The following LARP4 variants were observed in gnomAD, a reference collection of about 807,000 sequenced individuals.
The protein encoded by LARP4 is La ribonucleoprotein 4.
A neutral mutation model predicts 92.9 loss-of-function variants in LARP4; 29 were observed. The ratio of observed to expected loss-of-function variants is 0.31; its 90% CI spans 0.23 to 0.43. The LOEUF (loss-of-function observed/expected upper bound fraction) is 0.43, where lower values mean the gene tolerates loss of function less well. Among genes scored for constraint, LARP4 ranks in the 20% least tolerant of loss-of-function variants. The probability of loss-of-function intolerance (pLI) is 1.00; values close to 1 mark genes in which losing one functional copy is unlikely to be tolerated. For missense variants in LARP4, 732 were observed against 860.0 expected (o/e 0.85, Z 1.86); for synonymous variants, 279 against 284.1 (o/e 0.98, Z 0.18).
At chr12:50,472,679 TTTTAC>T in intron 13 of LARP4, among the ~76,000 whole-genome samples, 1 of 151,990 alleles carries the variant, frequency 6.6e-6, no homozygotes, top group Non-Finnish European at 1.5e-5. Flanking sequence ...TAGCTAAATA[TTTTAC>T]TTTATTTTGT....
intron 14 of LARP4, 43 bp from the exon 15 acceptor site, chr12:50,473,956 T>A (rs1277383651): frequency 7.1e-6 from 11 of 1,546,948 alleles, no homozygotes; most frequent in Non-Finnish European, 8.8e-6. Flanking sequence ...CAACTGTTCC[T>A]ATATGCTATT....
intron 1 of LARP4, among the ~76,000 whole-genome samples, chr12:50,413,005 C>T (rs555048245): frequency 3.2e-4 from 49 of 152,032 alleles, no homozygotes; most frequent in Middle Eastern, 6.8e-3. Flanking sequence ...GGGCGGATCA[C>T]GAGGTCAGGA....
intron 8 of LARP4, among the ~76,000 whole-genome samples, chr12:50,448,233 GTTTGT>G (rs1952550081): frequency 6.6e-6 from 1 of 152,056 alleles, no homozygotes; most frequent in South Asian, 2.1e-4. Flanking sequence ...TCTTATTTTT[GTTTGT>G]TTTATCTTTT....
chr12:50,475,892 A>C lies in LARP4; in HGVS notation c.*28A>C, dbSNP rs1341547966. Reference sequence around the variant, plus strand: ...AACAACAAAACTATTCAAAAACTTCACTCTCTTCCCATTAAACTTGAACTG... The same window carrying C: ...AACAACAAAACTATTCAAAAACTTCCCTCTCTTCCCATTAAACTTGAACTG... On this transcript the variant is annotated 3_prime_UTR_variant, in exon 16 of 16. Transcript: ENST00000398473. The C allele has an allele frequency of 6.3e-7, 1 of 1,580,462 alleles. No individual in the cohort carries two copies. The highest frequency in any genetic ancestry group is 1.1e-5 in the South Asian group (1 of 89,176).
chr12:50,417,433 A>G (rs963428413), intron 1 of LARP4, among the ~76,000 whole-genome samples: 1 of 152,028 alleles, frequency 6.6e-6, no homozygotes, highest in African/African-American at 2.4e-5. Flanking sequence ...TAATACCTTG[A>G]TACTTCTCCT....
At chr12:50,431,364 A>G (rs541315844) in intron 4 of LARP4, among the ~76,000 whole-genome samples, 1 of 152,224 alleles carries the variant, frequency 6.6e-6, no homozygotes, top group East Asian at 1.9e-4. Flanking sequence ...TTCTATGAAC[A>G]TACTCAATTT....
chr12:50,438,929 A>C (rs922867694), intron 6 of LARP4, among the ~76,000 whole-genome samples: 1 of 152,178 alleles, frequency 6.6e-6, no homozygotes, highest in Non-Finnish European at 1.5e-5. Context: ...GCTATTTAGA[A>C]CAGAGTGTTA....
At chr12:50,427,991 C>CACT in intron 2 of LARP4, 82 bp downstream of exon 2, 2 of 413,458 alleles carry the variant, frequency 4.8e-6, no homozygotes, top group Non-Finnish European at 7.1e-6. Flanking sequence ...TGAGACACAT[C>CACT]TCTTTTTTTT....
intron 13 of LARP4, among the ~76,000 whole-genome samples, chr12:50,467,594 C>T (rs1361654235): frequency 2.0e-5 from 3 of 152,154 alleles, no homozygotes; most frequent in Non-Finnish European, 4.4e-5. Flanking sequence ...TGAGCCACCA[C>T]GCCCAGCCTT....
chr12:50,473,806 T>TG (rs1443099947), intron 14 of LARP4, among the ~76,000 whole-genome samples, 193 bp from the exon 15 acceptor site: 6 of 5,222 alleles, frequency 1.1e-3, no homozygotes, highest in African/African-American at 2.2e-3. Flanking sequence ...TGGGGGTGGG[T>TG]GGGGGGGTGG....
chr12:50,421,379 C>A, intron 1 of LARP4: 2 of 690,048 alleles, frequency 2.9e-6, no homozygotes, highest in Non-Finnish European at 3.6e-6. Context: ...TGCAGCGGCT[C>A]ACACCTGTAA....
chr12:50,401,403 G>C (rs1943808514), intron 1 of LARP4: 1 of 218,356 alleles, frequency 4.6e-6, no homozygotes, highest in Middle Eastern at 1.5e-3. Flanking sequence ...TCCGGGGGCC[G>C]AGCGCGGCCT....
intron 1 of LARP4, among the ~76,000 whole-genome samples, chr12:50,426,315 G>A (rs1948694868): frequency 6.6e-6 from 1 of 152,060 alleles, no homozygotes; most frequent in Non-Finnish European, 1.5e-5. Context: ...TTATTTTTTA[G>A]GGCGTACATA....
rs367566217 is a variant in LARP4, at chr12:50,475,820, C to T, written c.2131C>T (p.Arg711Cys). 9.9e-6 allele frequency: 16 copies of T among 1,613,846 alleles called. No homozygotes were observed. The highest frequency in any genetic ancestry group is 5.3e-5 in the African/African-American group (4 of 74,870). ...GGCTATACCTCAGGGAGTGACTCGACGTAATGGCAAAGAGCAATATGTGCC... is the reference window on the plus strand; with the variant it reads ...GGCTATACCTCAGGGAGTGACTCGATGTAATGGCAAAGAGCAATATGTGCC... ...HRAIPQGVTR[R>C]NGKEQYVPPR... Residue 711 changes from arginine to cysteine, a missense_variant, in exon 16 of 16, where the codon CGT (arginine) becomes TGT (cysteine). Around this residue, in one of 7 missense-constraint regions of LARP4, gnomAD observed 115 missense variants for 129.1 expected, o/e 0.89. Transcript: ENST00000398473.
intron 10 of LARP4, among the ~76,000 whole-genome samples, chr12:50,458,197 T>C (rs1954677367): frequency 6.6e-6 from 1 of 152,060 alleles, no homozygotes; most frequent in African/African-American, 2.4e-5. Context: ...CCTCAGCCTC[T>C]TAAAGTGCTG....
In LARP4 at chr12:50,457,435, G is replaced by A. The variant is rs533432749; in HGVS notation, c.1121+3018G>A. On this transcript the variant is annotated intron_variant, in intron 10 of 15. Coordinates refer to ENST00000398473, the MANE Select transcript of LARP4 (RefSeq NM_052879.5). ...TTGGCCAGGCTGGTCTCGAACTCCT[G>A]ACCTCAGGTGATCTACCCGCCTTGG... Among the ~76,000 whole-genome samples the A allele has an allele frequency of 9.7e-4, 147 of 152,178 alleles. 1 individual carries two copies. The highest frequency in any genetic ancestry group is 3.5e-3 in the African/African-American group (146 of 41,526).
At chr12:50,433,915 C>T (rs1950052617) in intron 4 of LARP4, among the ~76,000 whole-genome samples, 1 of 152,178 alleles carries the variant, frequency 6.6e-6, no homozygotes, top group African/African-American at 2.4e-5. Context: ...GCTGGGTTTA[C>T]AGGTGTGAGC....
chr12:50,416,909 A>G (rs1382875664), intron 1 of LARP4, among the ~76,000 whole-genome samples: 1 of 152,056 alleles, frequency 6.6e-6, no homozygotes, highest in Non-Finnish European at 1.5e-5. Context: ...TTGAAGCTGC[A>G]GTGAGCTGAA....
At chr12:50,443,289 T>G (rs1001320968) in intron 8 of LARP4, among the ~76,000 whole-genome samples, 6 of 152,114 alleles carry the variant, frequency 3.9e-5, no homozygotes, top group Admixed American at 6.6e-5. Context: ...TTTTTGAGAC[T>G]GGGGTTTCTT....
Sources: gnomAD v4.1 joint callset for allele counts (sites outside exome capture counted in the v4.1 genomes callset) on GRCh38, gnomAD v4.1.1 for gene constraint, gnomAD v4.1.1 regional missense constraint, MANE v1.5 for transcripts, NCBI Gene and HGNC (gene_info 2026-07-23, HGNC 2026-07-21) for gene names.